RING1: variants seen among roughly 807,000 people sequenced by gnomAD.
The protein encoded by RING1 is E3 ubiquitin-protein ligase RING1.
RING1 carries 8 observed loss-of-function variants against 35.0 expected under a neutral mutation model. The observed-to-expected ratio is 0.23, with a 90% confidence interval of 0.13 to 0.41. The LOEUF (loss-of-function observed/expected upper bound fraction) is 0.41, where lower values mean the gene tolerates loss of function less well. RING1 is among the 10% of genes least tolerant of loss of function. The pLI, the probability that RING1 is intolerant of heterozygous loss-of-function variation, is 1.00. For missense variants in RING1, 343 were observed against 546.8 expected (o/e 0.63, Z 3.72); for synonymous variants, 214 against 224.3 (o/e 0.95, Z 0.41).
intron 4 of RING1, 39 bp downstream of exon 4, chr6:33,210,169 G>A (rs1775422624): frequency 6.3e-7 from 1 of 1,581,038 alleles, no homozygotes; most frequent in African/African-American, 1.3e-5. Context: ...GATGGGATGG[G>A]TCCGTGGGTC....
At position 33,209,533 on chromosome 6, in the gene RING1, T is replaced by C; in HGVS notation, c.79-93T>C. ...TAGAGACCAACATGGGTCTTCTCAC[T>C]GTATTTCTCAAAATTCTTATTTTAT... On this transcript the variant is annotated intron_variant, in intron 2 of 6. Transcript: ENST00000374656. This position sits in a 1 kb window ranked among gnomAD's most constrained non-coding sequence, Gnocchi z 5.1. 1 of 1,281,978 alleles carries C rather than the reference T, an allele frequency of 7.8e-7. No homozygotes were observed. Among genetic ancestry groups the C allele is most frequent in the Non-Finnish European group, 1.1e-6 (1 of 913,448 alleles). 79.4% of individuals were successfully genotyped at this position (1,281,978 alleles called of 1,614,324 possible). A position where few individuals can be genotyped will look rare whatever the true frequency, so the allele number is the denominator to read the frequency against.
chr6:33,209,303 C>G lies in RING1; in HGVS notation c.79-323C>G, dbSNP rs1775373799. 1.8e-6 allele frequency: 1 copy of G among 564,920 alleles called. No individual in the cohort carries two copies. The highest frequency in any genetic ancestry group is 3.2e-6 in the Non-Finnish European group (1 of 315,818). The allele number at this position is 564,920 out of a possible 1,614,324, so 35.0% of individuals were successfully genotyped here. On this transcript the variant is annotated intron_variant, in intron 2 of 6. Transcript: ENST00000374656. This position sits in a 1 kb window ranked among gnomAD's most constrained non-coding sequence, Gnocchi z 5.1. ...ACAGGCACCCTATGGGGTTCTAATA[C>G]AGGTAGCACCAGGACTTTAAAAAAT...
rs1041285227 is a variant in RING1, at chr6:33,208,749, T to C, written c.-58-16T>C. 24 of 892,274 alleles carry C rather than the reference T, an allele frequency of 2.7e-5. No homozygotes were observed. The highest frequency in any genetic ancestry group is 3.5e-4 in the Middle Eastern group (1 of 2,848). 55.3% of individuals were successfully genotyped at this position (892,274 alleles called of 1,614,324 possible). A position where few individuals can be genotyped will look rare whatever the true frequency, so the allele number is the denominator to read the frequency against. On this transcript the variant is annotated splice_polypyrimidine_tract_variant and intron_variant, in intron 1 of 6. Coordinates refer to ENST00000374656, the MANE Select transcript of RING1 (RefSeq NM_002931.4). This position sits in a 1 kb window ranked among gnomAD's most constrained non-coding sequence, Gnocchi z 6.2. ...CGGCCCCCCTGACGCCCTCCTCCCC[T>C]TCCCCCCACCCCCAGCCTTCTTCGC...
At position 33,208,529 on chromosome 6, in the gene RING1, C is replaced by T. The variant is rs942346150; in HGVS notation, c.-174C>T. The T allele has an allele frequency of 4.7e-6, 2 of 421,362 alleles. No individual in the cohort carries two copies. The highest frequency in any genetic ancestry group is 4.2e-6 in the Non-Finnish European group (1 of 240,880). The allele number at this position is 421,362 out of a possible 1,614,324, so 26.1% of individuals were successfully genotyped here. A position where few individuals can be genotyped will look rare whatever the true frequency, so the allele number is the denominator to read the frequency against. On this transcript the variant is annotated 5_prime_UTR_variant, in exon 1 of 7. Transcript: ENST00000374656. This position sits in a 1 kb window ranked among gnomAD's most constrained non-coding sequence, Gnocchi z 6.2. ...GGCCCCAGCGCCCGGGCCATGGCGG[C>T]GGCGGTGGCGGGAGCTGCTGTCTGA... is the stretch of plus-strand genomic sequence containing the variant.
In RING1 at chr6:33,211,868, C is replaced by T; in HGVS notation, c.985C>T (p.Pro329Ser). ...PGGGASDTGG[P>S]DGCGGEGGGA... Reference sequence around the variant, plus strand: ...AGGGGGCGCCTCTGACACCGGAGGACCTGATGGGTGTGGCGGGGAGGGTGG... The same window carrying T: ...AGGGGGCGCCTCTGACACCGGAGGATCTGATGGGTGTGGCGGGGAGGGTGG... Residue 329 changes from proline (P) to serine (S), a missense_variant, in exon 6 of 7, where the codon CCT becomes TCT. By Grantham distance (74) the Pro-to-Ser change is moderately conservative. This residue lies in a region of RING1 where 278 missense variants were observed against 383.5 expected (regional missense o/e 0.72). Transcript: ENST00000374656. This position sits in a 1 kb window ranked among gnomAD's most constrained non-coding sequence, Gnocchi z 6.3. 6.3e-7 allele frequency: 1 copy of T among 1,597,328 alleles called. No individual in the cohort carries two copies. Among genetic ancestry groups the T allele is most frequent in the Non-Finnish European group, 8.5e-7 (1 of 1,172,336 alleles).
In RING1 at chr6:33,211,068, A is replaced by G; in HGVS notation, c.456-90A>G. On this transcript the variant is annotated intron_variant, in intron 4 of 6. Coordinates refer to ENST00000374656, the MANE Select transcript of RING1 (RefSeq NM_002931.4). The surrounding 1 kb of genome is among the most constrained non-coding windows in gnomAD (Gnocchi z 6.3). ...TTAATAAATATTAGGTATCGTCATT[A>G]GGATTTTTCTTATCTCTTAATTCTC... 2 of 1,397,990 alleles carry G rather than the reference A, an allele frequency of 1.4e-6. No individual in the cohort carries two copies. The highest frequency in any genetic ancestry group is 2.3e-5 in the Admixed American group (1 of 43,488). 86.6% of individuals were successfully genotyped at this position (1,397,990 alleles called of 1,614,324 possible).
In RING1 at chr6:33,211,175, G is replaced by A; in HGVS notation, c.473G>A (p.Arg158Gln). Residue 158 changes from arginine to glutamine, a missense_variant, in exon 5 of 7, where the codon CGG becomes CAG. Physicochemically the swap from Arg to Gln is conservative, Grantham distance 43. Around this residue, in one of 2 missense-constraint regions of RING1, gnomAD observed 278 missense variants for 383.5 expected, o/e 0.72. Transcript: ENST00000374656. The surrounding 1 kb of genome is among the most constrained non-coding windows in gnomAD (Gnocchi z 6.3). ...TTCTACAGGGCCCAGCGTGTGAGGC[G>A]GCCGATACCAGGGTCAGATCAGACC... The part of the protein sequence containing the change: ...QAMHRAQRVR[R>Q]PIPGSDQTTT... The A allele has an allele frequency of 1.2e-6, 2 of 1,602,644 alleles. No homozygotes were observed. The highest frequency in any genetic ancestry group is 1.7e-6 in the Non-Finnish European group (2 of 1,172,064).
chr6:33,211,752 C>T lies in RING1; in HGVS notation c.869C>T (p.Ala290Val). ...AGGTATGTGAAGACAACTGGGAATG[C>T]CACAGTGGACCACCTCTCCAAGTAC... ...QTRYVKTTGN[A>V]TVDHLSKYLA... The change falls in exon 6 of 7, where the codon GCC becomes GTC. Residue 290 changes from alanine to valine, a missense_variant. Transcript: ENST00000374656. The surrounding 1 kb of genome is among the most constrained non-coding windows in gnomAD (Gnocchi z 6.3). The T allele has an allele frequency of 6.4e-7, 1 of 1,552,424 alleles. No individual in the cohort carries two copies. The highest frequency in any genetic ancestry group is 8.7e-7 in the Non-Finnish European group (1 of 1,147,850).
chr6:33,209,889 T>G lies in RING1; in HGVS notation c.240-26T>G, dbSNP rs773565706. The G allele has an allele frequency of 1.5e-5, 24 of 1,613,294 alleles. No homozygotes were observed. The highest frequency in any genetic ancestry group is 3.4e-6 in the Non-Finnish European group (4 of 1,179,448). On this transcript the variant is annotated intron_variant, in intron 3 of 6. Transcript: ENST00000374656. The surrounding 1 kb of genome is among the most constrained non-coding windows in gnomAD (Gnocchi z 5.1). Reference sequence around the variant, plus strand: ...GGCTTCAGTTCCCTTGACTGACCACTCAGGGCTTCCCTTCTCCTACCCCAG... The same window carrying G: ...GGCTTCAGTTCCCTTGACTGACCACGCAGGGCTTCCCTTCTCCTACCCCAG...
chr6:33,209,834 G>A lies in RING1; in HGVS notation c.239+48G>A. 1 of 1,612,354 alleles carries A rather than the reference G, an allele frequency of 6.2e-7. No homozygotes were observed. The highest frequency in any genetic ancestry group is 8.5e-7 in the Non-Finnish European group (1 of 1,178,538). ...GATGAGATGAAGGGGTACAAAGTTA[G>A]GGCCCTCTCACTGGTCTTGGTTCAG... On this transcript the variant is annotated intron_variant, in intron 3 of 6. Transcript: ENST00000374656. The surrounding 1 kb of genome is among the most constrained non-coding windows in gnomAD (Gnocchi z 5.1).
chr6:33,209,890 CAG>C lies in RING1; in HGVS notation c.240-24_240-23del. The C allele has an allele frequency of 1.2e-6, 2 of 1,613,228 alleles. No homozygotes were observed. The highest frequency in any genetic ancestry group is 1.7e-6 in the Non-Finnish European group (2 of 1,179,270). On this transcript the variant is annotated intron_variant, in intron 3 of 6. Coordinates refer to ENST00000374656, the MANE Select transcript of RING1 (RefSeq NM_002931.4). This position sits in a 1 kb window ranked among gnomAD's most constrained non-coding sequence, Gnocchi z 5.1. ...GCTTCAGTTCCCTTGACTGACCACT[CAG>C]GGCTTCCCTTCTCCTACCCCAGGAA...
chr6:33,210,483 C>T (rs1221574257), intron 4 of RING1, among the ~76,000 whole-genome samples: 2 of 152,164 alleles, frequency 1.3e-5, no homozygotes, highest in African/African-American at 2.4e-5. Context: ...TGCCTGTAGT[C>T]CTACCTTCTT....
In RING1 at chr6:33,211,644, AC is replaced by A; in HGVS notation, c.846-82del. On this transcript the variant is annotated intron_variant, in intron 5 of 6. Coordinates refer to ENST00000374656, the MANE Select transcript of RING1 (RefSeq NM_002931.4). This position sits in a 1 kb window ranked among gnomAD's most constrained non-coding sequence, Gnocchi z 6.3. ...TGCCCAAACCCAAAATACCACCCCA[AC>A]CCAGAATCCATTTTGGAAAGCCCCT... The A allele has an allele frequency of 3.2e-6, 5 of 1,543,118 alleles. No homozygotes were observed. The highest frequency in any genetic ancestry group is 3.5e-6 in the Non-Finnish European group (4 of 1,148,776).
In RING1 at chr6:33,211,803, G is replaced by A. The variant is rs528777843; in HGVS notation, c.920G>A (p.Arg307Gln). The A allele has an allele frequency of 8.1e-6, 13 of 1,604,738 alleles. No homozygotes were observed. The Admixed American group carries it at 1.2e-4, about 15-fold the overall frequency. ...KYLALRIALE[R>Q]RQQQEAGEPG... The stretch of plus-strand genomic sequence containing the variant: ...TTGGCCCTGCGCATTGCCCTCGAGC[G>A]GAGGCAACAGCAGGAAGCAGGGGAG... Residue 307 changes from arginine (R) to glutamine (Q), a missense_variant, in exon 6 of 7, where the codon CGG becomes CAG. Transcript: ENST00000374656. The surrounding 1 kb of genome is among the most constrained non-coding windows in gnomAD (Gnocchi z 6.3).
In RING1 at chr6:33,209,928, C is replaced by T. The variant is rs1262669425; in HGVS notation, c.253C>T (p.Pro85Ser). 6.8e-6 allele frequency: 11 copies of T among 1,614,060 alleles called. No homozygotes were observed. Among genetic ancestry groups the T allele is most frequent in the Non-Finnish European group, 8.5e-6 (10 of 1,180,024 alleles). The stretch of plus-strand genomic sequence containing the variant: ...CTCCTACCCCAGGAACAAGGAGTGT[C>T]CTACCTGCCGAAAGAAGCTGGTGTC... ...TALRSGNKEC[P>S]TCRKKLVSKR... Residue 85 changes from proline (P) to serine (S), a missense_variant, in exon 4 of 7, where the codon CCT becomes TCT. Physicochemically the swap from Pro to Ser is moderately conservative, Grantham distance 74. This residue lies in a region of RING1 where 65 missense variants were observed against 163.3 expected (regional missense o/e 0.40). Coordinates refer to ENST00000374656, the MANE Select transcript of RING1 (RefSeq NM_002931.4). The surrounding 1 kb of genome is among the most constrained non-coding windows in gnomAD (Gnocchi z 5.1).
chr6:33,208,931 C>G lies in RING1; in HGVS notation c.78+31C>G. 1.3e-6 allele frequency: 2 copies of G among 1,568,018 alleles called. No homozygotes were observed. Among genetic ancestry groups the G allele is most frequent in the South Asian group, 1.1e-5 (1 of 88,426 alleles). The stretch of plus-strand genomic sequence containing the variant: ...AGGCATTCTCCCTTTCAGGCTTACC[C>G]CCTCCCCCAAACCCTTATATCCACA... On this transcript the variant is annotated intron_variant, in intron 2 of 6. Transcript: ENST00000374656. This position sits in a 1 kb window ranked among gnomAD's most constrained non-coding sequence, Gnocchi z 6.2.
rs1297678175 is a variant in RING1, at chr6:33,211,676, C to T, written c.846-53C>T. The T allele has an allele frequency of 2.0e-6, 3 of 1,535,150 alleles. No individual in the cohort carries two copies. The highest frequency in any genetic ancestry group is 2.8e-5 in the African/African-American group (2 of 72,286). ...ATCCATTTTGGAAAGCCCCTACCTCCAGTCCTCATCTGAGGCGCTCTGGCT... is the reference window on the plus strand; with the variant it reads ...ATCCATTTTGGAAAGCCCCTACCTCTAGTCCTCATCTGAGGCGCTCTGGCT... On this transcript the variant is annotated intron_variant, in intron 5 of 6. Transcript: ENST00000374656. This position sits in a 1 kb window ranked among gnomAD's most constrained non-coding sequence, Gnocchi z 6.3.
rs778679904 is a variant in RING1 at position 33,209,525 on chromosome 6, C to G, written c.79-101C>G. On this transcript the variant is annotated intron_variant, in intron 2 of 6. Transcript: ENST00000374656. This position sits in a 1 kb window ranked among gnomAD's most constrained non-coding sequence, Gnocchi z 5.1. ...GTCTCCTATAGAGACCAACATGGGT[C>G]TTCTCACTGTATTTCTCAAAATTCT... The G allele has an allele frequency of 1.6e-5, 19 of 1,178,320 alleles. No homozygotes were observed. Among genetic ancestry groups the G allele is most frequent in the Non-Finnish European group, 2.3e-5 (19 of 824,290 alleles). The allele number at this position is 1,178,320 out of a possible 1,614,324, so 73.0% of individuals were successfully genotyped here. A position where few individuals can be genotyped will look rare whatever the true frequency, so the allele number is the denominator to read the frequency against.
At position 33,211,135 on chromosome 6, in the gene RING1, A is replaced by G. The variant is rs780585109; in HGVS notation, c.456-23A>G. On this transcript the variant is annotated intron_variant, in intron 4 of 6. Coordinates refer to ENST00000374656, the MANE Select transcript of RING1 (RefSeq NM_002931.4). The surrounding 1 kb of genome is among the most constrained non-coding windows in gnomAD (Gnocchi z 6.3). ...AGCCCTTTATCCTGGATGCCTTCTA[A>G]CCTTAACCACTTGCTTCTACAGGGC... is the stretch of plus-strand genomic sequence containing the variant. 1 of 1,564,518 alleles carries G rather than the reference A, an allele frequency of 6.4e-7. No individual in the cohort carries two copies. Among genetic ancestry groups the G allele is most frequent in the Non-Finnish European group, 8.7e-7 (1 of 1,151,280 alleles).
Sources: gnomAD v4.1 joint callset for allele counts (sites outside exome capture counted in the v4.1 genomes callset) on GRCh38, gnomAD v4.1.1 for gene constraint, gnomAD v4.1.1 regional missense constraint, Gnocchi (gnomAD v3.1) non-coding constraint, MANE v1.5 for transcripts, NCBI Gene and HGNC (gene_info 2026-07-23, HGNC 2026-07-21) for gene names.